The following ZNF69 variants were observed in gnomAD, a reference collection of about 807,000 sequenced individuals.
ZNF69 encodes ZNF3.
ZNF69 carries 47 observed loss-of-function variants against 50.9 expected under a neutral mutation model. The ratio of observed to expected loss-of-function variants is 0.92; its 90% CI spans 0.73 to 1.18. ZNF69 has a LOEUF of 1.18. Ranked by LOEUF, ZNF69 falls within the 50% of genes most tolerant of loss-of-function variation. ZNF69 has a pLI of 0.00. For missense variants in ZNF69, 717 were observed against 675.1 expected (o/e 1.06, Z -0.69); for synonymous variants, 216 against 223.1 (o/e 0.97, Z 0.29).
the ZNF69 span, among the ~76,000 whole-genome samples, chr19:11,936,755 T>A: frequency 6.6e-6 from 1 of 152,146 alleles, no homozygotes. Context: ...AGTCATGAAG[T>A]CCTTGCCCAT....
chr19:11,979,474 T>A, the ZNF69 span: 1 of 1,604,018 alleles, frequency 6.2e-7, no homozygotes, highest in Non-Finnish European at 8.5e-7. Context: ...GTAAGACATG[T>A]GGGAAAGGCT....
chr19:11,950,751 GTT>G, the ZNF69 span: 1 of 205,016 alleles, frequency 4.9e-6, no homozygotes, highest in Non-Finnish European at 1.0e-5. Context: ...TATCCCATTG[GTT>G]TTATGTATTA....
At chr19:11,921,851 A>G in the ZNF69 span, among the ~76,000 whole-genome samples, 3 of 152,194 alleles carry the variant, frequency 2.0e-5, no homozygotes, top group Non-Finnish European at 2.9e-5. Context: ...TCAAGTTATT[A>G]TCTATAGAGC....
At chr19:11,922,982 A>G in the ZNF69 span, among the ~76,000 whole-genome samples, 20 of 151,930 alleles carry the variant, frequency 1.3e-4, no homozygotes, top group African/African-American at 4.8e-4. Context: ...CTGGCTAATT[A>G]AAAAATAGAT....
At chr19:11,892,233 G>A (rs1451640946) in intron 1 of ZNF69, among the ~76,000 whole-genome samples, 2 of 151,058 alleles carry the variant, frequency 1.3e-5, no homozygotes, top group African/African-American at 4.9e-5. Context: ...TGCTTCCTTG[G>A]CCTCCAAAAG....
At chr19:11,915,077 G>A (rs1972510003), downstream of ZNF69, among the ~76,000 whole-genome samples, 1 of 152,168 alleles carries the variant, frequency 6.6e-6, no homozygotes, top group Non-Finnish European at 1.5e-5. Context: ...CGTGGTGTGT[G>A]CCTGTAATCC....
the ZNF69 span, among the ~76,000 whole-genome samples, chr19:11,936,554 G>A: frequency 0.041 from 6,243 of 152,106 alleles, 285 homozygotes; most frequent in African/African-American, 0.11. Context: ...TTTCTTGTAA[G>A]TTTGTTTGAG....
chr19:11,952,822 C>G, the ZNF69 span, among the ~76,000 whole-genome samples: 1 of 152,112 alleles, frequency 6.6e-6, no homozygotes, highest in Admixed American at 6.5e-5. Flanking sequence ...ACCTGTAATC[C>G]CAGCACTTTG....
the ZNF69 span, among the ~76,000 whole-genome samples, chr19:11,963,238 C>T: frequency 1.6e-4 from 25 of 152,108 alleles, no homozygotes; most frequent in African/African-American, 6.0e-4. Flanking sequence ...TATAGGTACA[C>T]ACCACCTCTC....
chr19:11,899,827 T>C (rs547911111), intron 1 of ZNF69, among the ~76,000 whole-genome samples: 1 of 152,324 alleles, frequency 6.6e-6, no homozygotes, highest in African/African-American at 2.4e-5. Flanking sequence ...GTCTTCCAAA[T>C]TGGCTGTAGA....
At chr19:11,965,010 G>A in the ZNF69 span, 1 of 585,434 alleles carries the variant, frequency 1.7e-6, no homozygotes, top group Non-Finnish European at 3.1e-6. Flanking sequence ...CCTGCCCATT[G>A]TTTATCCAGG....
chr19:11,963,651 A>T, the ZNF69 span, among the ~76,000 whole-genome samples: 10 of 152,118 alleles, frequency 6.6e-5, no homozygotes, highest in Admixed American at 6.5e-4. Context: ...TAGTTATGAT[A>T]GCCACAGGCC....
the ZNF69 span, among the ~76,000 whole-genome samples, chr19:11,927,003 T>C: frequency 6.6e-6 from 1 of 152,100 alleles, no homozygotes; most frequent in Non-Finnish European, 1.5e-5. Context: ...TTCTTGAATC[T>C]CACACAGGAA....
intron 1 of ZNF69, among the ~76,000 whole-genome samples, chr19:11,899,194 T>C (rs1353755280): frequency 6.6e-6 from 1 of 152,240 alleles, no homozygotes; most frequent in Non-Finnish European, 1.5e-5. Flanking sequence ...ATCACATATT[T>C]GGAATGATGC....
At chr19:11,934,503 TTTTTTTTC>T in the ZNF69 span, among the ~76,000 whole-genome samples, 1 of 147,904 alleles carries the variant, frequency 6.8e-6, no homozygotes, top group Non-Finnish European at 1.5e-5. Flanking sequence ...CATTGTTTTC[TTTTTTTTC>T]TTTTTTTCTT....
At chr19:11,980,098 T>A in the ZNF69 span, 1 of 971,540 alleles carries the variant, frequency 1.0e-6, no homozygotes, top group Non-Finnish European at 1.6e-6. Flanking sequence ...CCTTCAGATC[T>A]ACCTCACACC....
the ZNF69 span, among the ~76,000 whole-genome samples, chr19:11,954,755 A>G: frequency 3.3e-5 from 5 of 152,140 alleles, no homozygotes; most frequent in Non-Finnish European, 7.4e-5. Flanking sequence ...TGGGAGGTTG[A>G]TGCTGCAGTG....
At chr19:11,938,189 C>T in the ZNF69 span, among the ~76,000 whole-genome samples, 6 of 152,140 alleles carry the variant, frequency 3.9e-5, no homozygotes, top group Non-Finnish European at 8.8e-5. Context: ...CTGCCTCAGC[C>T]TCCCAAGTAA....
chr19:11,890,892 ATAAT>A (rs1197491563), intron 1 of ZNF69, among the ~76,000 whole-genome samples: 1 of 152,228 alleles, frequency 6.6e-6, no homozygotes, highest in African/African-American at 2.4e-5. Flanking sequence ...CCAGCCCGAA[ATAAT>A]TCAAAGGTTC....
Sources: allele counts gnomAD v4.1 joint callset (sites outside exome capture counted in the v4.1 genomes callset), GRCh38; gene constraint gnomAD v4.1.1; transcripts MANE v1.5; gene names NCBI Gene and HGNC (gene_info 2026-07-23, HGNC 2026-07-21).